The following VWA3B variants were observed in gnomAD, a reference collection of about 807,000 sequenced individuals.
VWA3B encodes the protein von Willebrand factor A domain containing 3B.
In VWA3B, 138 loss-of-function variants were observed where a neutral mutation model predicts 158.3. The observed-to-expected ratio is 0.87, with a 90% confidence interval of 0.76 to 1.00. The LOEUF is 1.00. Among genes scored for constraint, VWA3B ranks in the 50% least tolerant of loss-of-function variants. The pLI, the probability that VWA3B is intolerant of heterozygous loss-of-function variation, is 0.00. For synonymous variants in VWA3B, 596 were observed against 587.3 expected, an observed-to-expected ratio of 1.01 and a Z score of -0.21; for missense variants, 1,555 against 1,565.1, an observed-to-expected ratio of 0.99 and a Z score of 0.11.
intron 5 of VWA3B, among the ~76,000 whole-genome samples, chr2:98,126,554 T>C (rs909666405): frequency 1.3e-5 from 2 of 152,210 alleles, no homozygotes; most frequent in Admixed American, 6.5e-5. Flanking sequence ...CACAAGGTCA[T>C]GCATCAGACC....
At chr2:98,180,078 TTCTTTCTC>T (rs1268824105) in intron 8 of VWA3B, among the ~76,000 whole-genome samples, 1 of 149,024 alleles carries the variant, frequency 6.7e-6, no homozygotes, top group Non-Finnish European at 1.5e-5. Context: ...CTCTCTTTCT[TTCTTTCTC>T]TCTTTCTTTC....
intron 3 of VWA3B, 24 bp from the exon 4 acceptor site, chr2:98,119,489 T>C (rs1465806772): frequency 6.2e-7 from 1 of 1,610,282 alleles, no homozygotes; most frequent in Non-Finnish European, 8.5e-7. Context: ...TGTTTTATTG[T>C]TTTTGTCTTT....
chr2:98,308,388 G>A (rs79384897), intron 26 of VWA3B, among the ~76,000 whole-genome samples: 5,916 of 152,274 alleles, frequency 0.039, 167 homozygotes, highest in Middle Eastern at 0.075. Context: ...TACATTCCAT[G>A]GCATCAGAGA....
chr2:98,139,266 G>T (rs575145287), intron 7 of VWA3B, among the ~76,000 whole-genome samples: 2 of 152,188 alleles, frequency 1.3e-5, no homozygotes, highest in South Asian at 2.1e-4. Context: ...ACTGCAGCCC[G>T]CCATACCTGA....
At chr2:98,112,680 T>G (rs953986380) in intron 2 of VWA3B, among the ~76,000 whole-genome samples, 3 of 147,740 alleles carry the variant, frequency 2.0e-5, no homozygotes, top group Non-Finnish European at 4.6e-5. Flanking sequence ...ATCTGTAGGG[T>G]TTTTTTTAAT....
chr2:98,087,877 G>C (rs10196559), intron 1 of VWA3B, among the ~76,000 whole-genome samples: 71,692 of 152,106 alleles, frequency 0.47, 17,839 homozygotes, highest in African/African-American at 0.6. Context: ...TTTCCATTTG[G>C]TAGAGCTTTT....
At chr2:98,312,166 C>T (rs184813341) in intron 27 of VWA3B, 34 bp from the exon 28 acceptor site, 3 of 1,614,188 alleles carry the variant, frequency 1.9e-6, no homozygotes, top group East Asian at 4.5e-5. Context: ...AAGACCCTAA[C>T]ATCCTTAAGT....
the VWA3B span, among the ~76,000 whole-genome samples, chr2:98,318,621 G>C: frequency 1.3e-5 from 2 of 152,064 alleles, no homozygotes; most frequent in African/African-American, 4.8e-5. Context: ...ATAACTAATG[G>C]ATACTAAACT....
At chr2:98,135,612 G>A (rs1676226400) in intron 7 of VWA3B, among the ~76,000 whole-genome samples, 1 of 152,052 alleles carries the variant, frequency 6.6e-6, no homozygotes, top group Non-Finnish European at 1.5e-5. Context: ...TGGGATTACA[G>A]GCGTGAGCCA....
At chr2:98,191,052 TGA>T (rs1226704481) in intron 10 of VWA3B, among the ~76,000 whole-genome samples, 1 of 152,204 alleles carries the variant, frequency 6.6e-6, no homozygotes, top group Non-Finnish European at 1.5e-5. Context: ...TTTTTCTCTC[TGA>T]GTTAACTTTA....
chr2:98,116,207 A>T (rs964422010), intron 3 of VWA3B, among the ~76,000 whole-genome samples: 3 of 152,202 alleles, frequency 2.0e-5, no homozygotes, highest in Non-Finnish European at 4.4e-5. Flanking sequence ...GTGCAGACCC[A>T]GGCCAACCAC....
chr2:98,139,173 G>A (rs1352698322), intron 7 of VWA3B, among the ~76,000 whole-genome samples: 2 of 152,228 alleles, frequency 1.3e-5, no homozygotes, highest in African/African-American at 4.8e-5. Context: ...GGTGTACTGG[G>A]TCCCCCAGCA....
At chr2:98,186,959 ACT>A (rs1681122531) in intron 9 of VWA3B, among the ~76,000 whole-genome samples, 1 of 147,434 alleles carries the variant, frequency 6.8e-6, no homozygotes, top group South Asian at 2.2e-4. Context: ...GGCTTCTCTC[ACT>A]CTCTCTTCCC....
chr2:98,312,145 C>T, intron 27 of VWA3B, 55 bp from the exon 28 acceptor site: 1 of 1,614,082 alleles, frequency 6.2e-7, no homozygotes. Context: ...TGTTTAGGCT[C>T]CAGTGCAGCA....
intron 12 of VWA3B, among the ~76,000 whole-genome samples, chr2:98,209,590 G>GT (rs1411528580): frequency 6.6e-6 from 1 of 152,044 alleles, no homozygotes; most frequent in Non-Finnish European, 1.5e-5. Context: ...AAAATTTGGG[G>GT]TTTTTTTCAG....
chr2:98,226,417 T>G (rs1684919000), intron 14 of VWA3B, among the ~76,000 whole-genome samples: 1 of 152,210 alleles, frequency 6.6e-6, no homozygotes, highest in Non-Finnish European at 1.5e-5. Context: ...ATGGACATCT[T>G]AACTCAAAAT....
At chr2:98,192,492 C>T (rs1432869660) in intron 10 of VWA3B, 4 of 197,260 alleles carry the variant, frequency 2.0e-5, no homozygotes, top group African/African-American at 2.4e-5. Context: ...CACAAGACAA[C>T]GTCATCAGTT....
rs193139294 is a variant in VWA3B, at chr2:98,125,659, T to C, written c.703-2580T>C. Among the ~76,000 whole-genome samples, 1 of 152,266 alleles carries C rather than the reference T, an allele frequency of 6.6e-6. No individual in the cohort carries two copies. Among genetic ancestry groups the C allele is most frequent in the African/African-American group, 2.4e-5 (1 of 41,546 alleles). ...GGTAGCATATTTATCCTCCTTTCTGTTTTTCTTTTCTTTCTTTTTTTTTGA... is the reference window on the plus strand; with the variant it reads ...GGTAGCATATTTATCCTCCTTTCTGCTTTTCTTTTCTTTCTTTTTTTTTGA... On this transcript the variant is annotated intron_variant, in intron 5 of 27. Coordinates refer to ENST00000477737, the MANE Select transcript of VWA3B (RefSeq NM_144992.5). The surrounding 1 kb of genome is among the most constrained non-coding windows in gnomAD (Gnocchi z 4.1).
At chr2:98,145,554 T>G (rs566576755) in intron 7 of VWA3B, among the ~76,000 whole-genome samples, 1 of 152,352 alleles carries the variant, frequency 6.6e-6, no homozygotes, top group South Asian at 2.1e-4. Context: ...CTGGTGTATC[T>G]CCTTTAACAG....
Sources: allele counts gnomAD v4.1 joint callset (sites outside exome capture counted in the v4.1 genomes callset), GRCh38; gene constraint gnomAD v4.1.1; non-coding constraint Gnocchi (gnomAD v3.1); transcripts MANE v1.5; gene names NCBI Gene and HGNC (gene_info 2026-07-23, HGNC 2026-07-21).